SVIL: variants seen among roughly 807,000 people sequenced by gnomAD.
The protein encoded by SVIL is archvillin.
A neutral mutation model predicts 240.4 loss-of-function variants in SVIL; 101 were observed. That is an observed-to-expected ratio of 0.42 (90% CI 0.36 to 0.50). The LOEUF (loss-of-function observed/expected upper bound fraction) is 0.50. Ranked by LOEUF, SVIL falls within the 20% of genes least tolerant of loss-of-function variation. The pLI, the probability that SVIL is intolerant of heterozygous loss-of-function variation, is 0.01. For synonymous variants in SVIL, 999 were observed against 1,100.0 expected (o/e 0.91, Z 1.82); for missense variants, 2,512 against 2,818.7 (o/e 0.89, Z 2.46).
intron 3 of SVIL, among the ~76,000 whole-genome samples, chr10:29,643,758 A>C (rs180734872): frequency 1.1e-3 from 174 of 152,170 alleles, no homozygotes; most frequent in African/African-American, 4.2e-3. Flanking sequence ...AAAATCTTTG[A>C]GCTCCAAGGT....
intron 32 of SVIL, among the ~76,000 whole-genome samples, chr10:29,469,670 C>T (rs1945330222): frequency 6.6e-6 from 1 of 152,202 alleles, no homozygotes; most frequent in Non-Finnish European, 1.5e-5. Flanking sequence ...CCCCAAGGTC[C>T]CCACTCAGTG....
chr10:29,696,774 A>C (rs540148376), intron 1 of SVIL, among the ~76,000 whole-genome samples: 1,700 of 150,076 alleles, frequency 0.011, 43 homozygotes, highest in African/African-American at 0.039. Flanking sequence ...CCGTCTGGGA[A>C]GTGAGGAGCA....
Position 29,615,035 on chromosome 10 carries a change from C to T in SVIL, c.-201+19385G>A, listed in dbSNP as rs114800181. On this transcript the variant is annotated intron_variant, in intron 1 of 37. Transcript: ENST00000355867. The stretch of plus-strand genomic sequence containing the variant: ...TGAGGCAGAAGTTAAGTTATCCCCC[C>T]ATGCTAATACAAATCATAACAAAAA... Among the ~76,000 whole-genome samples the T allele has an allele frequency of 8.9e-3, 1,359 of 152,206 alleles. 29 individuals are homozygous for T. The highest frequency in any genetic ancestry group is 0.031 in the African/African-American group (1,281 of 41,506).
chr10:29,459,802 G>T (rs1406147425), intron 36 of SVIL, among the ~76,000 whole-genome samples: 2 of 152,184 alleles, frequency 1.3e-5, no homozygotes, highest in African/African-American at 4.8e-5. Flanking sequence ...TCAAGAGGCA[G>T]GTTTTGGGCT....
chr10:29,569,152 T>C, intron 2 of SVIL, 103 bp downstream of exon 2: 1 of 439,356 alleles, frequency 2.3e-6, no homozygotes, highest in African/African-American at 2.1e-5. Flanking sequence ...AGAAAACATA[T>C]TGCCAAACAT....
intron 13 of SVIL, among the ~76,000 whole-genome samples, chr10:29,525,544 G>A (rs1283147776): frequency 6.6e-6 from 1 of 152,164 alleles, no homozygotes; most frequent in East Asian, 1.9e-4. Context: ...AGCCTGTGAG[G>A]TAGAGGCTGC....
rs1046216558 is a variant in SVIL, at chr10:29,550,914, G to T, written c.510C>A (p.Thr170=). 5.6e-6 allele frequency: 9 copies of T among 1,613,998 alleles called. No homozygotes were observed. Among genetic ancestry groups the T allele is most frequent in the South Asian group, 1.1e-5 (1 of 91,062 alleles). The change falls in exon 6 of 38, where the codon ACC becomes ACA. Residue 170 remains threonine, a synonymous_variant. Transcript: ENST00000355867. ...CACAGGTCCTGAGCCCCATCGTCTC[G>T]GTCCCGGGGTACAGAGAACTAGCAT... ...SRDASSLYPG[T]ETMGLRTCAG... is the part of the protein sequence containing the mutation.
chr10:29,727,446 A>G, intron 1 of SVIL, among the ~76,000 whole-genome samples: 1 of 152,064 alleles, frequency 6.6e-6, no homozygotes. Flanking sequence ...AAAAAAAATT[A>G]TAGAGAAATG....
rs1307822006 is a variant in SVIL, at chr10:29,477,929, T to C, written c.5377+2608A>G. On this transcript the variant is annotated intron_variant, in intron 29 of 37. Transcript: ENST00000355867. ...CTGAACTCTTCGCTTTATTTTTAAT[T>C]AATTCACTTTAACAGTTTTACTCAT... Among the ~76,000 whole-genome samples, 6 of 152,270 alleles carry C rather than the reference T, an allele frequency of 3.9e-5. 1 individual carries two copies. The highest frequency in any genetic ancestry group is 1.4e-4 in the African/African-American group (6 of 41,464).
chr10:29,550,339 G>A (rs894166148), intron 6 of SVIL, among the ~76,000 whole-genome samples: 2 of 151,928 alleles, frequency 1.3e-5, no homozygotes, highest in African/African-American at 4.8e-5. Context: ...CTACTTATGA[G>A]GCTGAGGCAG....
At chr10:29,506,648 AGAGGCCCTGGAGGGAGG>A (rs1949308111) in intron 17 of SVIL, among the ~76,000 whole-genome samples, 4 of 148,910 alleles carry the variant, frequency 2.7e-5, no homozygotes, top group African/African-American at 7.6e-5. Context: ...GGGAGGGGAC[AGAGGCCCTGGAGGGAGG>A]GGACAGAGGC....
rs17694739 is a variant in SVIL at position 29,465,606 on chromosome 10, G to A, written c.6122C>T (p.Ala2041Val). The part of the protein sequence containing the change: ...MPFLQEDLYS[A>V]PQPALFLVDN... ...CCTGCAGGCCTTACCTGGCTGGGGC[G>A]CGCTGTACAGATCTTCCTGCAGGAA... Residue 2041 changes from alanine to valine, a missense_variant, in exon 34 of 38, where the codon GCG (alanine) becomes GTG (valine). Ala to Val is a moderately conservative substitution (Grantham distance 64, BLOSUM62 0). Transcript: ENST00000355867. 0.11 allele frequency: 183,995 copies of A among 1,612,088 alleles called. 11,949 individuals are homozygous for A. The highest frequency in any genetic ancestry group is 0.13 in the Non-Finnish European group (157,154 of 1,178,842).
intron 5 of SVIL, among the ~76,000 whole-genome samples, chr10:29,553,977 GA>G (rs1564630279): frequency 6.6e-6 from 1 of 152,164 alleles, no homozygotes; most frequent in East Asian, 1.9e-4. Flanking sequence ...GCTGGGCCCT[GA>G]GGGTGAAGAA....
rs77837604 is a variant in SVIL, at chr10:29,533,128, G to A, written c.1239C>T (p.Asp413=). Residue 413 remains aspartate (D), a synonymous_variant, in exon 8 of 38, where the codon GAC becomes GAT. Transcript: ENST00000355867. The part of the protein sequence containing the change: ...KPPSLTVLEG[D]GRDSPVLHVC... ...CATGGAGAACTGGGCTATCCCTTCC[G>A]TCACCTTCTAGAACCGTCAAGCTGG... 1,404 of 1,613,906 alleles carry A rather than the reference G, an allele frequency of 8.7e-4. 12 individuals are homozygous for A. In the East Asian group the frequency reaches 0.018, roughly 20 times the overall value.
chr10:29,545,161 G>C, intron 6 of SVIL: 1 of 521,102 alleles, frequency 1.9e-6, no homozygotes, highest in South Asian at 1.4e-5. Context: ...TGAGGCTCTG[G>C]AGACGGTTTT....
chr10:29,521,609 GTACAA>G (rs1385205524), intron 16 of SVIL, among the ~76,000 whole-genome samples: 1 of 152,140 alleles, frequency 6.6e-6, no homozygotes, highest in Non-Finnish European at 1.5e-5. Flanking sequence ...CATCACCTCA[GTACAA>G]TACGTTTTTA....
intron 6 of SVIL, among the ~76,000 whole-genome samples, chr10:29,546,348 A>G (rs1312284158): frequency 6.6e-6 from 1 of 152,130 alleles, no homozygotes; most frequent in Non-Finnish European, 1.5e-5. Context: ...TACTTCACCT[A>G]TTTCGTTACT....
intron 1 of SVIL, among the ~76,000 whole-genome samples, chr10:29,574,037 G>A (rs551985537): frequency 3.3e-5 from 5 of 152,254 alleles, no homozygotes; most frequent in African/African-American, 1.2e-4. Flanking sequence ...TTTTAACCGA[G>A]CGCTGATGGT....
chr10:29,527,794 C>T (rs769943139), intron 12 of SVIL, among the ~76,000 whole-genome samples: 29 of 136,586 alleles, frequency 2.1e-4, no homozygotes, highest in Non-Finnish European at 3.1e-4. Flanking sequence ...GGCGCGATCT[C>T]GGCTCACTGC....
Sources: gnomAD v4.1 joint callset for allele counts (sites outside exome capture counted in the v4.1 genomes callset) on GRCh38, gnomAD v4.1.1 for gene constraint, MANE v1.5 for transcripts, NCBI Gene and HGNC (gene_info 2026-07-23, HGNC 2026-07-21) for gene names.